The following CAMTA1 variants were observed in gnomAD, a reference collection of about 807,000 sequenced individuals.
The protein encoded by CAMTA1 is calmodulin binding transcription activator 1, also known as calmodulin-binding transcription activator 1.
CAMTA1 carries 27 observed loss-of-function variants against 170.9 expected under a neutral mutation model. The observed-to-expected ratio is 0.16, with a 90% CI of 0.12 to 0.22. The LOEUF is 0.22. Ranked by LOEUF, CAMTA1 falls within the 10% of genes least tolerant of loss-of-function variation. CAMTA1 has a pLI of 1.00. For synonymous variants in CAMTA1, 833 were observed against 891.5 expected (o/e 0.93, Z 1.17); for missense variants, 1,619 against 2,217.2 (o/e 0.73, Z 5.42).
intron 6 of CAMTA1, among the ~76,000 whole-genome samples, chr1:7,542,259 TTTGTTG>T (rs150672228): frequency 4.0e-5 from 6 of 151,664 alleles, no homozygotes; most frequent in African/African-American, 7.3e-5. Flanking sequence ...TTCCTGCCAG[TTTGTTG>T]TTGTTGTTGT....
chr1:7,219,128 C>T (rs1660267714), intron 4 of CAMTA1, among the ~76,000 whole-genome samples: 1 of 152,154 alleles, frequency 6.6e-6, no homozygotes, highest in South Asian at 2.1e-4. Context: ...TGAAGTGTCT[C>T]CCCTGTAAGC....
chr1:7,751,473 A>G, intron 20 of CAMTA1, 81 bp downstream of exon 20: 1 of 1,291,638 alleles, frequency 7.7e-7, no homozygotes, highest in Non-Finnish European at 1.1e-6. Context: ...TCCTGGGCTG[A>G]CATTGGAGTC....
At chr1:7,225,883 G>A (rs913707046) in intron 4 of CAMTA1, among the ~76,000 whole-genome samples, 5 of 152,100 alleles carry the variant, frequency 3.3e-5, no homozygotes, top group Non-Finnish European at 4.4e-5. Flanking sequence ...ATCCCTACAG[G>A]GTTCCTGCCA....
chr1:7,529,358 C>T (rs534363590), intron 6 of CAMTA1, among the ~76,000 whole-genome samples: 58 of 152,218 alleles, frequency 3.8e-4, no homozygotes, highest in African/African-American at 1.2e-3. Flanking sequence ...TCTCTGTCCT[C>T]TCGGTGCATA....
At chr1:7,477,786 C>T (rs1311673382) in intron 6 of CAMTA1, among the ~76,000 whole-genome samples, 2 of 152,112 alleles carry the variant, frequency 1.3e-5, no homozygotes, top group Non-Finnish European at 2.9e-5. Flanking sequence ...TTGCAGACTG[C>T]GGCGGCCAAC....
rs1388062920 is a variant in CAMTA1, at chr1:7,510,017, A to C, written c.510+42116A>C. On this transcript the variant is annotated intron_variant, in intron 6 of 22. Coordinates refer to ENST00000303635, the MANE Select transcript of CAMTA1 (RefSeq NM_015215.4). ...CAAAAACAAACAAACAAACAACAAA[A>C]AAAAAAAACACTGTCCTCCGAGGCC... 4.6e-5 allele frequency among the ~76,000 whole-genome samples: 5 copies of C among 108,968 alleles called. 1 individual carries two copies. Among genetic ancestry groups the C allele is most frequent in the Non-Finnish European group, 6.7e-5 (3 of 44,968 alleles). 71.5% of individuals were successfully genotyped at this position (108,968 alleles called of 152,430 possible). A position where few individuals can be genotyped will look rare whatever the true frequency, so the allele number is the denominator to read the frequency against.
chr1:7,611,876 C>G (rs1200895496), intron 6 of CAMTA1, among the ~76,000 whole-genome samples: 1 of 152,234 alleles, frequency 6.6e-6, no homozygotes, highest in Admixed American at 6.5e-5. Context: ...ACCTGACCCA[C>G]TGAAATGGGA....
chr1:6,879,216 A>C (rs1005533281), intron 3 of CAMTA1, among the ~76,000 whole-genome samples: 1 of 152,204 alleles, frequency 6.6e-6, no homozygotes, highest in African/African-American at 2.4e-5. Context: ...AAACTCAGTC[A>C]TCCTAGGAGA....
chr1:7,202,128 A>G (rs565384789), intron 4 of CAMTA1, among the ~76,000 whole-genome samples: 6 of 152,150 alleles, frequency 3.9e-5, no homozygotes, highest in Non-Finnish European at 5.9e-5. Flanking sequence ...TCCCAGCTTC[A>G]TTTGTTGAAA....
chr1:7,134,493 G>A (rs1447728212), intron 4 of CAMTA1, among the ~76,000 whole-genome samples: 1 of 151,118 alleles, frequency 6.6e-6, no homozygotes, highest in Admixed American at 6.6e-5. Context: ...TATTATTTTA[G>A]AGACAGGTCT....
chr1:7,302,662 C>T (rs1226269289), intron 5 of CAMTA1, among the ~76,000 whole-genome samples: 1 of 152,174 alleles, frequency 6.6e-6, no homozygotes, highest in Non-Finnish European at 1.5e-5. Context: ...TCATCTGTTT[C>T]CCATTTGGAG....
At chr1:6,881,756 A>G (rs1671690424) in intron 3 of CAMTA1, among the ~76,000 whole-genome samples, 1 of 152,202 alleles carries the variant, frequency 6.6e-6, no homozygotes, top group South Asian at 2.1e-4. Context: ...TCTTGAGGTC[A>G]GGAGTTCAAG....
chr1:7,278,441 A>G (rs903034283), intron 5 of CAMTA1, among the ~76,000 whole-genome samples: 2 of 152,204 alleles, frequency 1.3e-5, no homozygotes, highest in African/African-American at 4.8e-5. Context: ...GCCATTTATT[A>G]ACTACAACAA....
intron 3 of CAMTA1, among the ~76,000 whole-genome samples, chr1:7,081,570 G>A (rs989178839): frequency 6.6e-6 from 1 of 152,316 alleles, no homozygotes; most frequent in African/African-American, 2.4e-5. Context: ...TGCCTATATT[G>A]GTTCATGGTC....
rs576740793 is a variant in CAMTA1 at position 7,562,819 on chromosome 1, C to T, written c.511-77581C>T. 1.2e-4 allele frequency among the ~76,000 whole-genome samples: 18 copies of T among 152,284 alleles called. No individual in the cohort carries two copies. The highest frequency in any genetic ancestry group is 8.5e-4 in the Admixed American group (13 of 15,302). ...CCCCAGGACCCCCAAGCAAGGCGGA[C>T]GGGATGACAGGCCCTCTAACCCCAC... On this transcript the variant is annotated intron_variant, in intron 6 of 22. Transcript: ENST00000303635. The surrounding 1 kb of genome is among the most constrained non-coding windows in gnomAD (Gnocchi z 4.8).
intron 5 of CAMTA1, among the ~76,000 whole-genome samples, chr1:7,327,190 G>A (rs999622296): frequency 6.6e-6 from 1 of 152,034 alleles, no homozygotes; most frequent in Admixed American, 6.6e-5. Context: ...GCCGAGGCAG[G>A]CGGATCACGA....
At chr1:7,363,456 C>T (rs1011883926) in intron 5 of CAMTA1, among the ~76,000 whole-genome samples, 2 of 151,966 alleles carry the variant, frequency 1.3e-5, no homozygotes, top group African/African-American at 4.8e-5. Context: ...TGGGGGTGAC[C>T]TTTTGTAGAA....
intron 5 of CAMTA1, among the ~76,000 whole-genome samples, chr1:7,433,755 G>A (rs796466125): frequency 2.0e-4 from 30 of 152,316 alleles, no homozygotes; most frequent in African/African-American, 7.2e-4. Context: ...GAGTTGGGCT[G>A]GGAGGGAAGT....
chr1:7,202,408 C>T (rs1656879004), intron 4 of CAMTA1, among the ~76,000 whole-genome samples: 1 of 152,164 alleles, frequency 6.6e-6, no homozygotes, highest in South Asian at 2.1e-4. Context: ...ATCAGCTTGA[C>T]AATATCTACA....
Sources: gnomAD v4.1 joint callset for allele counts (sites outside exome capture counted in the v4.1 genomes callset) on GRCh38, gnomAD v4.1.1 for gene constraint, Gnocchi (gnomAD v3.1) non-coding constraint, MANE v1.5 for transcripts, NCBI Gene and HGNC (gene_info 2026-07-23, HGNC 2026-07-21) for gene names.